Variants in DLG2 observed in about 807,000 individuals in gnomAD.
DLG2 encodes discs large MAGUK scaffold protein 2, also known as disks large homolog 2.
In DLG2, 45 loss-of-function variants were observed where a neutral mutation model predicts 132.5. That is an observed-to-expected ratio of 0.34 (90% CI 0.27 to 0.44). The LOEUF (loss-of-function observed/expected upper bound fraction) is 0.44. Ranked by LOEUF, DLG2 falls within the 20% of genes least tolerant of loss-of-function variation. The probability of loss-of-function intolerance (pLI) is 1.00; values close to 1 mark genes in which losing one functional copy is unlikely to be tolerated. For missense variants in DLG2, 1,045 were observed against 1,196.9 expected (o/e 0.87, Z 1.87); for synonymous variants, 424 against 419.6 (o/e 1.01, Z -0.13).
At chr11:84,900,371 A>G (rs1485590523) in intron 6 of DLG2, among the ~76,000 whole-genome samples, 2 of 152,048 alleles carry the variant, frequency 1.3e-5, no homozygotes, top group Non-Finnish European at 2.9e-5. Context: ...ATTCTGTACT[A>G]TATTATGTGT....
At chr11:84,709,405 G>A (rs1282664482) in intron 6 of DLG2, among the ~76,000 whole-genome samples, 1 of 151,966 alleles carries the variant, frequency 6.6e-6, no homozygotes. Flanking sequence ...GAGAGTAAGA[G>A]AAAGAAAACT....
At chr11:84,717,261 T>C (rs1348439642) in intron 6 of DLG2, among the ~76,000 whole-genome samples, 1 of 152,110 alleles carries the variant, frequency 6.6e-6, no homozygotes, top group Non-Finnish European at 1.5e-5. Flanking sequence ...GTAGGTAATC[T>C]TGAAATGACT....
chr11:84,792,417 T>G (rs1446259189), intron 6 of DLG2, among the ~76,000 whole-genome samples: 1 of 152,168 alleles, frequency 6.6e-6, no homozygotes, highest in Non-Finnish European at 1.5e-5. Flanking sequence ...CTGATTTTTG[T>G]ATGAGGTTAA....
At chr11:84,533,905 C>CAAAAAAGAAAAAAAAAAAAAAAAAAAAAA (rs2099348968) in intron 7 of DLG2, among the ~76,000 whole-genome samples, 1 of 70,280 alleles carries the variant, frequency 1.4e-5, no homozygotes, top group Admixed American at 2.1e-4. Flanking sequence ...CCAGTTCAGC[C>CAAAAAAGAAAAAAAAAAAAAAAAAAAAAA]AAAAAAAAAA....
intron 4 of DLG2, among the ~76,000 whole-genome samples, chr11:85,232,639 G>A (rs2075361552): frequency 6.6e-6 from 1 of 151,772 alleles, no homozygotes; most frequent in African/African-American, 2.4e-5. Flanking sequence ...TTCTCTCACA[G>A]TAGCAATTTA....
chr11:84,699,061 C>T (rs950369695), intron 6 of DLG2, among the ~76,000 whole-genome samples: 1 of 151,490 alleles, frequency 6.6e-6, no homozygotes, highest in Non-Finnish European at 1.5e-5. Context: ...CACTCTCGAG[C>T]TCCATTTCCT....
At chr11:83,509,939 A>G (rs2094921290) in intron 21 of DLG2, among the ~76,000 whole-genome samples, 1 of 152,162 alleles carries the variant, frequency 6.6e-6, no homozygotes, top group Non-Finnish European at 1.5e-5. Flanking sequence ...GCTGTGAACT[A>G]ACACACACAA....
intron 21 of DLG2, among the ~76,000 whole-genome samples, chr11:83,524,297 C>T (rs2095553755): frequency 1.3e-5 from 2 of 152,134 alleles, no homozygotes; most frequent in African/African-American, 4.8e-5. Flanking sequence ...CTCTGGGGAG[C>T]TTGTTAAAAT....
chr11:84,760,163 C>A (rs912352732), intron 6 of DLG2, among the ~76,000 whole-genome samples: 4 of 152,176 alleles, frequency 2.6e-5, no homozygotes, highest in African/African-American at 9.7e-5. Flanking sequence ...TCAATAGTAG[C>A]CAACACAGTC....
At chr11:83,532,467 C>A (rs1161581233) in intron 21 of DLG2, among the ~76,000 whole-genome samples, 1 of 152,082 alleles carries the variant, frequency 6.6e-6, no homozygotes, top group African/African-American at 2.4e-5. Context: ...GTCATTACAT[C>A]ACCTTCATCA....
At chr11:85,447,388 T>C (rs2092058300) in intron 3 of DLG2, among the ~76,000 whole-genome samples, 1 of 152,080 alleles carries the variant, frequency 6.6e-6, no homozygotes, top group Non-Finnish European at 1.5e-5. Context: ...GGAAATCAAG[T>C]TAAATGAGGT....
At chr11:84,923,182 C>T in intron 6 of DLG2, 1 of 1,611,076 alleles carries the variant, frequency 6.2e-7, no homozygotes, top group Non-Finnish European at 8.5e-7. Context: ...GCCCCACACA[C>T]ACGATCCTGG....
chr11:83,915,184 C>A (rs752147648), intron 15 of DLG2, among the ~76,000 whole-genome samples: 3 of 152,088 alleles, frequency 2.0e-5, no homozygotes, highest in Non-Finnish European at 2.9e-5. Flanking sequence ...GATTTAGAAA[C>A]AAAGAATCTT....
At chr11:84,848,563 G>A (rs1405472494) in intron 6 of DLG2, among the ~76,000 whole-genome samples, 1 of 152,086 alleles carries the variant, frequency 6.6e-6, no homozygotes, top group Non-Finnish European at 1.5e-5. Flanking sequence ...TTTTTACATG[G>A]AAGTGTATAT....
At chr11:84,020,203 A>C (rs1481439104) in intron 11 of DLG2, among the ~76,000 whole-genome samples, 1 of 152,162 alleles carries the variant, frequency 6.6e-6, no homozygotes, top group East Asian at 1.9e-4. Flanking sequence ...CATCAAGGTT[A>C]TAAATCCAGG....
chr11:84,305,083 A>G (rs927315032), intron 7 of DLG2, among the ~76,000 whole-genome samples: 11 of 152,236 alleles, frequency 7.2e-5, no homozygotes, highest in Non-Finnish European at 1.3e-4. Context: ...TAGTGTGTTG[A>G]AAACATAGTG....
rs1193219273 is a variant in DLG2 at position 83,630,612 on chromosome 11, GT to G, written c.1940+2598del. Among the ~76,000 whole-genome samples the G allele has an allele frequency of 2.0e-5, 3 of 152,174 alleles. 1 individual carries two copies. Among genetic ancestry groups the G allele is most frequent in the Admixed American group, 2.0e-4 (3 of 15,276 alleles). ...TTCCTTAATCAAAGAGTCCAGCACT[GT>G]GCTGACAGAAGCAGATTGGGAATCA... is the stretch of plus-strand genomic sequence containing the variant. On this transcript the variant is annotated intron_variant, in intron 19 of 27. Transcript: ENST00000376104.
At chr11:84,971,167 T>C (rs1329187203) in intron 6 of DLG2, among the ~76,000 whole-genome samples, 1 of 152,204 alleles carries the variant, frequency 6.6e-6, no homozygotes, top group African/African-American at 2.4e-5. Context: ...TCATTCCCAA[T>C]GTTTGCCACT....
At chr11:84,219,883 G>A (rs866112119) in intron 8 of DLG2, among the ~76,000 whole-genome samples, 3 of 152,232 alleles carry the variant, frequency 2.0e-5, no homozygotes, top group African/African-American at 7.2e-5. Flanking sequence ...TACATGTACT[G>A]TAACTTGGTT....
Sources: allele counts gnomAD v4.1 joint callset (sites outside exome capture counted in the v4.1 genomes callset), GRCh38; gene constraint gnomAD v4.1.1; transcripts MANE v1.5; gene names NCBI Gene and HGNC (gene_info 2026-07-23, HGNC 2026-07-21).